Variants in CASK observed in about 807,000 individuals in gnomAD.
The protein encoded by CASK is peripheral plasma membrane protein CASK.
A neutral mutation model predicts 82.9 loss-of-function variants in CASK; 4 were observed. That is an observed-to-expected ratio of 0.05 (90% CI 0.02 to 0.11). The LOEUF (loss-of-function observed/expected upper bound fraction) is 0.11. Ranked by LOEUF, CASK falls within the 10% of genes least tolerant of loss-of-function variation. The pLI, the probability that CASK is intolerant of heterozygous loss-of-function variation, is 1.00. For synonymous variants in CASK, 259 were observed against 253.5 expected (o/e 1.02, Z -0.20); for missense variants, 358 against 720.9 (o/e 0.50, Z 5.76).
intron 8 of CASK, among the ~76,000 whole-genome samples, chrX:41,643,911 T>C (rs2066707443): frequency 8.9e-6 from 1 of 111,786 alleles, no homozygotes; most frequent in Non-Finnish European, 1.9e-5. Flanking sequence ...GCTGTGGGTT[T>C]GTCATAAATA....
intron 2 of CASK, among the ~76,000 whole-genome samples, chrX:41,849,612 T>C (rs2071222105): frequency 8.9e-6 from 1 of 111,898 alleles, no homozygotes. Flanking sequence ...ATAAGAGCTA[T>C]GGACTCTCTA....
intron 14 of CASK, among the ~76,000 whole-genome samples, chrX:41,578,908 GATAA>G (rs1602292906): frequency 1.8e-5 from 2 of 112,191 alleles, no homozygotes; most frequent in Non-Finnish European, 3.8e-5. Flanking sequence ...TGACAATCAT[GATAA>G]ATAGATTTTT....
intron 12 of CASK, chrX:41,590,057 CCTT>C: frequency 7.0e-6 from 1 of 143,391 alleles, no homozygotes; most frequent in South Asian, 1.8e-4. Flanking sequence ...AAACCCAACT[CCTT>C]CTAGGAAGGA....
At chrX:41,835,802 G>A (rs2070916636) in intron 2 of CASK, among the ~76,000 whole-genome samples, 1 of 112,183 alleles carries the variant, frequency 8.9e-6, no homozygotes, top group African/African-American at 3.2e-5. Context: ...CCATGCAGTT[G>A]ATCTCAAGCA....
chrX:41,747,808 G>A (rs2068718646), intron 3 of CASK, among the ~76,000 whole-genome samples: 1 of 112,410 alleles, frequency 8.9e-6, no homozygotes, highest in Non-Finnish European at 1.9e-5. Context: ...CCACTACCAT[G>A]TGTGAATGTG....
At chrX:41,726,026 G>A (rs774508054) in intron 5 of CASK, among the ~76,000 whole-genome samples, 6 of 112,580 alleles carry the variant, frequency 5.3e-5, no homozygotes, top group East Asian at 2.8e-4. Flanking sequence ...TAATTTTTCT[G>A]TAGAGACATG....
chrX:41,680,086 G>C (rs1318633095), intron 5 of CASK, among the ~76,000 whole-genome samples: 1 of 109,880 alleles, frequency 9.1e-6, no homozygotes, highest in African/African-American at 3.3e-5. Flanking sequence ...TGTAATTCCA[G>C]CTACTCGAGA....
chrX:41,715,404 G>C (rs1393958749), intron 5 of CASK, among the ~76,000 whole-genome samples: 1 of 111,483 alleles, frequency 9.0e-6, no homozygotes, highest in Non-Finnish European at 1.9e-5. Flanking sequence ...TGGATCACCT[G>C]AGGTCAGGAG....
intron 7 of CASK, among the ~76,000 whole-genome samples, chrX:41,663,661 CAAAG>C (rs1414374184): frequency 8.9e-6 from 1 of 111,832 alleles, no homozygotes; most frequent in East Asian, 2.8e-4. Context: ...TGAACAAACA[CAAAG>C]GAAGAATTCT....
intron 14 of CASK, chrX:41,586,396 T>C (rs979172754): frequency 8.8e-6 from 1 of 113,224 alleles, no homozygotes; most frequent in Non-Finnish European, 1.9e-5. Context: ...CAGCAAAGTA[T>C]CTTATCTATT....
chrX:41,705,786 A>T (rs1160519829), intron 5 of CASK, among the ~76,000 whole-genome samples: 2 of 111,726 alleles, frequency 1.8e-5, no homozygotes, highest in Non-Finnish European at 3.8e-5. Context: ...GCCTTCCATT[A>T]ATACTGCTGG....
At chrX:41,897,198 G>A (rs2072284647) in intron 1 of CASK, among the ~76,000 whole-genome samples, 1 of 111,765 alleles carries the variant, frequency 8.9e-6, no homozygotes, top group Non-Finnish European at 1.9e-5. Flanking sequence ...TTAGAAAAAA[G>A]GCTTTCAGCT....
chrX:41,756,788 T>C (rs1254031570), intron 3 of CASK, among the ~76,000 whole-genome samples: 1 of 112,227 alleles, frequency 8.9e-6, no homozygotes, highest in African/African-American at 3.2e-5. Context: ...TTAAGTAACT[T>C]GACCAAGAGA....
At chrX:41,611,036 C>T (rs186029306) in intron 11 of CASK, among the ~76,000 whole-genome samples, 2 of 111,097 alleles carry the variant, frequency 1.8e-5, no homozygotes, top group East Asian at 5.7e-4. Flanking sequence ...GGACATTTCC[C>T]AATGTTTAGA....
intron 2 of CASK, among the ~76,000 whole-genome samples, chrX:41,796,050 C>T (rs2147851991): frequency 9.0e-6 from 1 of 111,619 alleles, no homozygotes; most frequent in South Asian, 3.8e-4. Flanking sequence ...GAGAACCCAC[C>T]CTCATTCCCA....
At chrX:41,906,560 C>T (rs2072473670) in intron 1 of CASK, among the ~76,000 whole-genome samples, 1 of 112,538 alleles carries the variant, frequency 8.9e-6, no homozygotes, top group Admixed American at 9.4e-5. Context: ...TAAGCACAGC[C>T]AGCTGCCAAG....
rs190846899 is a variant in CASK, at chrX:41,655,630, C to T, written c.831+4809G>A. The stretch of plus-strand genomic sequence containing the variant: ...CATCCTCAAGCAGGGAGCCTCTTTT[C>T]CCCTAGGACTGACTCTGGAACTGTG... On this transcript the variant is annotated intron_variant, in intron 8 of 26. Coordinates refer to ENST00000378163, the MANE Select transcript of CASK (RefSeq NM_001367721.1). 6.6e-3 allele frequency among the ~76,000 whole-genome samples: 738 copies of T among 111,239 alleles called. 12 individuals carry two copies. The highest frequency in any genetic ancestry group is 0.023 in the African/African-American group (709 of 30,574).
chrX:41,827,242 T>A, intron 2 of CASK, among the ~76,000 whole-genome samples: 1 of 112,030 alleles, frequency 8.9e-6, no homozygotes, highest in Non-Finnish European at 1.9e-5. Flanking sequence ...TAGCCATAGT[T>A]AAATACGGTA....
At position 41,727,640 on chromosome X, in the gene CASK, T is replaced by C. The variant is rs771223499; in HGVS notation, c.429+11744A>G. 4.6e-5 allele frequency: 56 copies of C among 1,208,148 alleles called. No individual in the cohort carries two copies. In the Admixed American group the frequency reaches 6.1e-4, roughly 13 times the overall value. On this transcript the variant is annotated intron_variant, in intron 5 of 26. Coordinates refer to ENST00000378163, the MANE Select transcript of CASK (RefSeq NM_001367721.1). ...ATGATCTCTCAGATTGCAGGTCTCA[T>C]TGGAACCACATTTATTGGATTTTCC...
Sources: allele counts gnomAD v4.1 joint callset (sites outside exome capture counted in the v4.1 genomes callset), GRCh38; gene constraint gnomAD v4.1.1; transcripts MANE v1.5; gene names NCBI Gene and HGNC (gene_info 2026-07-23, HGNC 2026-07-21).